EPG5: variants seen among roughly 807,000 people sequenced by gnomAD.
EPG5 encodes the protein ectopic P granules protein 5 homolog.
In EPG5, 159 loss-of-function variants were observed where a neutral mutation model predicts 302.7. The ratio of observed to expected loss-of-function variants is 0.53; its 90% CI spans 0.46 to 0.60. The LOEUF is 0.60. EPG5 is among the 20% of genes least tolerant of loss of function. The pLI, the probability that EPG5 is intolerant of heterozygous loss-of-function variation, is 0.00. For missense variants in EPG5, 2,896 were observed against 3,092.4 expected, an observed-to-expected ratio of 0.94 and a Z score of 1.51; for synonymous variants, 1,158 against 1,136.8, an observed-to-expected ratio of 1.02 and a Z score of -0.37.
chr18:45,832,011 C>T, the EPG5 span, among the ~76,000 whole-genome samples: 9 of 152,228 alleles, frequency 5.9e-5, no homozygotes, highest in Admixed American at 6.5e-5. Flanking sequence ...GGATTACAGG[C>T]GTGAGCCGCC....
At position 45,858,191 on chromosome 18, in the gene EPG5, C is replaced by T. The variant is rs567801; in HGVS notation, c.7227-123G>A. ...TCAGTACTTCAAAAGCACAGGCTAACGGCTGATGTTAATAGAGCCATGGGA... is the reference window on the plus strand; with the variant it reads ...TCAGTACTTCAAAAGCACAGGCTAATGGCTGATGTTAATAGAGCCATGGGA... On this transcript the variant is annotated intron_variant, in intron 41 of 43. Coordinates refer to ENST00000282041, the MANE Select transcript of EPG5 (RefSeq NM_020964.3). 528,324 of 710,018 alleles carry T rather than the reference C, an allele frequency of 0.74. 198,195 individuals are homozygous for T. Among genetic ancestry groups the T allele is most frequent in the East Asian group, 0.91 (33,538 of 36,948 alleles). The allele number at this position is 710,018 out of a possible 1,614,324, so 44.0% of individuals were successfully genotyped here.
chr18:45,909,439 G>A (rs745923484), intron 23 of EPG5, among the ~76,000 whole-genome samples: 18 of 152,300 alleles, frequency 1.2e-4, no homozygotes, highest in Admixed American at 7.2e-4. Flanking sequence ...ACAGAGAGTC[G>A]TAAAAGGTTG....
At chr18:45,939,855 A>G in intron 9 of EPG5, 100 bp from the exon 10 acceptor site, 1 of 1,085,348 alleles carries the variant, frequency 9.2e-7, no homozygotes, top group Non-Finnish European at 1.3e-6. Flanking sequence ...ATATTTATTG[A>G]GCACCTACTA....
the EPG5 span, chr18:45,840,335 G>C: frequency 2.2e-6 from 3 of 1,360,494 alleles, no homozygotes; most frequent in Non-Finnish European, 3.0e-6. Flanking sequence ...AAATGGCAAA[G>C]GGCTGGGGCT....
At chr18:45,864,717 A>T (rs1414491891) in intron 39 of EPG5, among the ~76,000 whole-genome samples, 1 of 152,210 alleles carries the variant, frequency 6.6e-6, no homozygotes. Flanking sequence ...CCAACCCAGA[A>T]CTACTCTAAA....
At chr18:45,934,356 A>G (rs2050469765) in intron 11 of EPG5, among the ~76,000 whole-genome samples, 1 of 151,594 alleles carries the variant, frequency 6.6e-6, no homozygotes, top group Non-Finnish European at 1.5e-5. Context: ...CAAAAACTTA[A>G]GTTTTCACCA....
Position 45,899,640 on chromosome 18 carries a change from A to C in EPG5, c.4647-74T>G, listed in dbSNP as rs2049560787. On this transcript the variant is annotated intron_variant, in intron 26 of 43. Coordinates refer to ENST00000282041, the MANE Select transcript of EPG5 (RefSeq NM_020964.3). ...TGATAGGTGATAAAGGCTTCCAGTT[A>C]CCCACAGCCAGCATTATAGTGCAGC... 1.9e-5 allele frequency: 28 copies of C among 1,491,622 alleles called. 1 individual carries two copies. The South Asian group carries it at 3.3e-4, about 18-fold the overall frequency. 92.4% of individuals were successfully genotyped at this position (1,491,622 alleles called of 1,614,324 possible).
Position 45,852,343 on chromosome 18 carries a change from T to C in EPG5, c.*124A>G. ...AATATCTAACGCCTCCCAACTTGCA[T>C]CTCAGTCAACTACACATTGGCCAAA... On this transcript the variant is annotated 3_prime_UTR_variant, in exon 44 of 44. Transcript: ENST00000282041. The C allele has an allele frequency of 1.3e-6, 1 of 799,902 alleles. No individual in the cohort carries two copies. Among genetic ancestry groups the C allele is most frequent in the Non-Finnish European group, 2.0e-6 (1 of 508,484 alleles). 49.6% of individuals were successfully genotyped at this position (799,902 alleles called of 1,614,324 possible).
chr18:45,839,955 G>A, the EPG5 span, among the ~76,000 whole-genome samples: 1 of 152,086 alleles, frequency 6.6e-6, no homozygotes, highest in Admixed American at 6.5e-5. Flanking sequence ...CCGTTTCTTG[G>A]AACTCATCAA....
rs1393595084 is a variant in EPG5, at chr18:45,937,273, CACACAT to C, written c.2100-2313_2100-2308del. Among the ~76,000 whole-genome samples the C allele has an allele frequency of 8.8e-3, 1,275 of 145,712 alleles. 19 individuals are homozygous for C. The highest frequency in any genetic ancestry group is 0.032 in the African/African-American group (1,201 of 37,824). ...ACACACACACACACACACACACACA[CACACAT>C]ATGTATACACACACATACACGTATA... is the stretch of plus-strand genomic sequence containing the variant. On this transcript the variant is annotated intron_variant, in intron 10 of 43. Transcript: ENST00000282041.
At chr18:45,963,332 C>A (rs577314306) in intron 1 of EPG5, among the ~76,000 whole-genome samples, 4 of 152,280 alleles carry the variant, frequency 2.6e-5, no homozygotes, top group Admixed American at 2.6e-4. Context: ...TCAGAGGAAA[C>A]AACATGGGCA....
At chr18:45,903,252 G>GA (rs887584717) in intron 25 of EPG5, among the ~76,000 whole-genome samples, 8 of 151,430 alleles carry the variant, frequency 5.3e-5, no homozygotes, top group Admixed American at 1.3e-4. Context: ...TTTATAATCA[G>GA]AAAAAAAATT....
the EPG5 span, chr18:45,837,687 C>A: frequency 2.7e-6 from 4 of 1,478,526 alleles, no homozygotes; most frequent in Non-Finnish European, 3.6e-6. Flanking sequence ...TTCCGCTGCG[C>A]TGCGGCGCGG....
chr18:45,867,077 G>T, intron 37 of EPG5, 70 bp from the exon 38 acceptor site: 1 of 1,078,670 alleles, frequency 9.3e-7, no homozygotes. Flanking sequence ...TTGCTAACTA[G>T]TCTGTGGAAT....
chr18:45,948,444 AATCCTTTAGAAGAAAGAAG>A (rs2050833748), intron 6 of EPG5, 40 bp downstream of exon 6: 1 of 1,374,566 alleles, frequency 7.3e-7, no homozygotes, highest in African/African-American at 1.4e-5. Flanking sequence ...TTCAGGAGCC[AATCCTTTAGAAGAAAGAAG>A]CATTTCAATC....
downstream of EPG5, among the ~76,000 whole-genome samples, chr18:45,847,244 C>T (rs1326953574): frequency 6.6e-6 from 1 of 152,212 alleles, no homozygotes; most frequent in Non-Finnish European, 1.5e-5. Flanking sequence ...GGGCATCCCA[C>T]CACTGAAGGT....
In EPG5 at chr18:45,954,823, C is replaced by G; in HGVS notation, c.579G>C (p.Gln193His). Residue 193 changes from glutamine to histidine, a missense_variant, in exon 2 of 44, where the codon CAG (glutamine) becomes CAC (histidine). This residue lies in a region of EPG5 where 1,390 missense variants were observed against 1,430.0 expected (regional missense o/e 0.97). Transcript: ENST00000282041. Reference sequence around the variant, plus strand: ...GGCAAGAACTCTGCAAGCCAACATTCTGTGGCACCTCTGAAGAACAAACCA... The same window carrying G: ...GGCAAGAACTCTGCAAGCCAACATTGTGTGGCACCTCTGAAGAACAAACCA... ...QGLVCSSEVP[Q>H]NVGLQSSCPA... 1 of 1,614,236 alleles carries G rather than the reference C, an allele frequency of 6.2e-7. No homozygotes were observed. Among genetic ancestry groups the G allele is most frequent in the Non-Finnish European group, 8.5e-7 (1 of 1,180,044 alleles).
At position 45,851,102 on chromosome 18, in the gene EPG5, A is replaced by C. The variant is rs1396410694; in HGVS notation, c.*1365T>G. ...CTACCAACTTCCCAATTTTGGGGGA[A>C]GCATTCCAAAAGGACATTTGAGGAG... On this transcript the variant is annotated 3_prime_UTR_variant, in exon 44 of 44. Coordinates refer to ENST00000282041, the MANE Select transcript of EPG5 (RefSeq NM_020964.3). The C allele has an allele frequency of 1.3e-5, 2 of 152,254 alleles. No individual in the cohort carries two copies. The highest frequency in any genetic ancestry group is 2.1e-4 in the South Asian group (1 of 4,830). 9.4% of individuals were successfully genotyped at this position (152,254 alleles called of 1,614,324 possible).
chr18:45,964,319 G>A (rs1047692208), intron 1 of EPG5, among the ~76,000 whole-genome samples: 63 of 152,320 alleles, frequency 4.1e-4, no homozygotes, highest in Admixed American at 1.3e-3. Flanking sequence ...CCTGGATTGA[G>A]AGTCAGGATT....
Sources: gnomAD v4.1 joint callset for allele counts (sites outside exome capture counted in the v4.1 genomes callset) on GRCh38, gnomAD v4.1.1 for gene constraint, gnomAD v4.1.1 regional missense constraint, MANE v1.5 for transcripts, NCBI Gene and HGNC (gene_info 2026-07-23, HGNC 2026-07-21) for gene names.